SRBD1: variants seen among roughly 807,000 people sequenced by gnomAD.
SRBD1 encodes S1 RNA binding domain 1.
SRBD1 carries 88 observed loss-of-function variants against 115.3 expected under a neutral mutation model. That is an observed-to-expected ratio of 0.76 (90% CI 0.64 to 0.91). SRBD1 has a LOEUF of 0.91. Ranked by LOEUF, SRBD1 falls within the 40% of genes least tolerant of loss-of-function variation. The pLI, the probability that SRBD1 is intolerant of heterozygous loss-of-function variation, is 0.00. For missense variants in SRBD1, 1,385 were observed against 1,177.4 expected (o/e 1.18, Z -2.58); for synonymous variants, 509 against 407.7 (o/e 1.25, Z -2.99).
chr2:45,519,403 A>G (rs147580324), intron 14 of SRBD1, among the ~76,000 whole-genome samples: 1,833 of 152,284 alleles, frequency 0.012, 18 homozygotes, highest in Non-Finnish European at 0.019. Flanking sequence ...CCTTAACTAA[A>G]GTAAAGAAAC....
intron 14 of SRBD1, among the ~76,000 whole-genome samples, chr2:45,507,038 T>C (rs949123568): frequency 6.6e-6 from 1 of 152,168 alleles, no homozygotes; most frequent in South Asian, 2.1e-4. Flanking sequence ...TAAAAACCAA[T>C]TTGTGCTCAT....
intron 4 of SRBD1, among the ~76,000 whole-genome samples, chr2:45,586,053 CT>C (rs1417987788): frequency 6.6e-6 from 1 of 152,164 alleles, no homozygotes; most frequent in Non-Finnish European, 1.5e-5. Context: ...CAATGATATA[CT>C]TTTCATCTCT....
intron 14 of SRBD1, among the ~76,000 whole-genome samples, chr2:45,497,880 C>T (rs1482338015): frequency 3.3e-5 from 5 of 152,056 alleles, no homozygotes; most frequent in Admixed American, 2.6e-4. Context: ...ACTAAAAATA[C>T]AAAATCAGCC....
chr2:45,601,635 A>C (rs1674094475), intron 3 of SRBD1, among the ~76,000 whole-genome samples: 1 of 152,258 alleles, frequency 6.6e-6, no homozygotes, highest in African/African-American at 2.4e-5. Context: ...TGTTGAGCAC[A>C]TTGCCTGGCT....
At chr2:45,512,306 G>A (rs557312697) in intron 14 of SRBD1, among the ~76,000 whole-genome samples, 1 of 152,242 alleles carries the variant, frequency 6.6e-6, no homozygotes. Flanking sequence ...ACATTTGCAT[G>A]ACTTGAATAC....
chr2:45,406,514 T>C (rs985709894), intron 19 of SRBD1, among the ~76,000 whole-genome samples: 3 of 152,262 alleles, frequency 2.0e-5, no homozygotes, highest in African/African-American at 7.2e-5. Context: ...TTAATTGACA[T>C]TCTACCTCCA....
chr2:45,484,828 C>T (rs866642026), intron 15 of SRBD1, among the ~76,000 whole-genome samples: 2 of 152,162 alleles, frequency 1.3e-5, no homozygotes, highest in African/African-American at 2.4e-5. Flanking sequence ...TTTCATATAA[C>T]CATACAATAT....
intron 19 of SRBD1, among the ~76,000 whole-genome samples, chr2:45,409,393 C>T (rs1667529625): frequency 6.6e-6 from 1 of 151,770 alleles, no homozygotes; most frequent in Non-Finnish European, 1.5e-5. Flanking sequence ...TATTATGGAA[C>T]CACAATTTTT....
intron 14 of SRBD1, among the ~76,000 whole-genome samples, chr2:45,504,788 T>C (rs1274789209): frequency 6.6e-6 from 1 of 152,024 alleles, no homozygotes; most frequent in African/African-American, 2.4e-5. Context: ...AAACAGGAGG[T>C]CTTACGCCTG....
At chr2:45,580,808 C>T (rs905471180) in intron 6 of SRBD1, among the ~76,000 whole-genome samples, 2 of 151,040 alleles carry the variant, frequency 1.3e-5, no homozygotes, top group Non-Finnish European at 2.9e-5. Context: ...CCTCAGCCAC[C>T]TGAGTAGCTG....
intron 19 of SRBD1, among the ~76,000 whole-genome samples, chr2:45,402,381 T>C (rs950748481): frequency 6.6e-6 from 1 of 152,194 alleles, no homozygotes; most frequent in Admixed American, 6.5e-5. Context: ...TTGACGGCTG[T>C]CTACTCTCTG....
chr2:45,475,210 C>G (rs1424961314), intron 16 of SRBD1, among the ~76,000 whole-genome samples: 1 of 152,128 alleles, frequency 6.6e-6, no homozygotes, highest in Non-Finnish European at 1.5e-5. Context: ...CTTCATAATT[C>G]CTTTCCCTCA....
chr2:45,505,054 A>G (rs1199692768), intron 14 of SRBD1, among the ~76,000 whole-genome samples: 1 of 151,510 alleles, frequency 6.6e-6, no homozygotes, highest in Non-Finnish European at 1.5e-5. Flanking sequence ...CATAAACACA[A>G]CCGAGTCTTC....
chr2:45,543,133 T>C (rs1368623767), intron 14 of SRBD1, among the ~76,000 whole-genome samples: 1 of 152,236 alleles, frequency 6.6e-6, no homozygotes, highest in Non-Finnish European at 1.5e-5. Flanking sequence ...CTTTCATTTT[T>C]TCATGAACAT....
At chr2:45,456,870 TTC>T (rs1471835938) in intron 16 of SRBD1, among the ~76,000 whole-genome samples, 5 of 152,044 alleles carry the variant, frequency 3.3e-5, no homozygotes, top group East Asian at 1.9e-4. Context: ...CACGTTTAAT[TTC>T]TGTTTGTAGT....
chr2:45,525,234 A>G (rs1173314603), intron 14 of SRBD1, among the ~76,000 whole-genome samples: 1 of 152,068 alleles, frequency 6.6e-6, no homozygotes, highest in African/African-American at 2.4e-5. Context: ...TGGATTTGGC[A>G]AAGTGTTCTT....
chr2:45,429,989 C>T (rs1052811040), intron 16 of SRBD1, among the ~76,000 whole-genome samples: 5 of 152,140 alleles, frequency 3.3e-5, no homozygotes, highest in South Asian at 2.1e-4. Context: ...CACTCCTATA[C>T]ACCAATAATA....
At chr2:45,559,489 T>C (rs750279558) in intron 10 of SRBD1, among the ~76,000 whole-genome samples, 2 of 152,224 alleles carry the variant, frequency 1.3e-5, no homozygotes, top group African/African-American at 4.8e-5. Flanking sequence ...ATACTCGTAA[T>C]GATTTTCCCA....
chr2:45,604,767 C>T (rs11691081), intron 2 of SRBD1, among the ~76,000 whole-genome samples: 1 of 152,186 alleles, frequency 6.6e-6, no homozygotes, highest in Non-Finnish European at 1.5e-5. Flanking sequence ...CAACCACTCA[C>T]TATGCTCTCT....
Sources: gnomAD v4.1 joint callset for allele counts (sites outside exome capture counted in the v4.1 genomes callset) on GRCh38, gnomAD v4.1.1 for gene constraint, MANE v1.5 for transcripts, NCBI Gene and HGNC (gene_info 2026-07-23, HGNC 2026-07-21) for gene names.